Variants in ANO4 observed in about 807,000 individuals in gnomAD.
ANO4 encodes anoctamin 4, also known as anoctamin-4.
A neutral mutation model predicts 141.9 loss-of-function variants in ANO4; 69 were observed. The ratio of observed to expected loss-of-function variants is 0.49; its 90% CI spans 0.40 to 0.59. The LOEUF (loss-of-function observed/expected upper bound fraction) is 0.59, where lower values mean the gene tolerates loss of function less well. ANO4 is among the 20% of genes least tolerant of loss of function. The pLI is 0.00. For synonymous variants in ANO4, 350 were observed against 394.3 expected (o/e 0.89, Z 1.33); for missense variants, 894 against 1,162.2 (o/e 0.77, Z 3.36).
At chr12:100,855,829 C>A (rs901869052) in intron 1 of ANO4, among the ~76,000 whole-genome samples, 1 of 152,056 alleles carries the variant, frequency 6.6e-6, no homozygotes, top group Admixed American at 6.6e-5. Context: ...TTTTGAGTGG[C>A]ATAGTGACAA....
chr12:100,992,672 C>A (rs1233427475), intron 8 of ANO4, among the ~76,000 whole-genome samples: 1 of 152,170 alleles, frequency 6.6e-6, no homozygotes, highest in Non-Finnish European at 1.5e-5. Flanking sequence ...GCCTGTCTCT[C>A]TAGGTAAATG....
chr12:101,099,218 C>G (rs2050098662), intron 21 of ANO4, among the ~76,000 whole-genome samples: 2 of 152,064 alleles, frequency 1.3e-5, no homozygotes, highest in Admixed American at 1.3e-4. Flanking sequence ...GCTCAAGGGT[C>G]CTAAATCAAG....
In ANO4 at chr12:101,126,913, A is replaced by G; in HGVS notation, c.2711A>G (p.Tyr904Cys). The change falls in exon 27 of 28, where the codon TAT (tyrosine) becomes TGT (cysteine). Residue 904 changes from tyrosine to cysteine, a missense_variant. This residue lies in a region of ANO4 where 637 missense variants were observed against 909.2 expected (regional missense o/e 0.70). Transcript: ENST00000392977. Reference protein sequence around the residue: ...LVFCIKHLISYLIPDLPKDLR... With the variant: ...LVFCIKHLISCLIPDLPKDLR... ...TTTTGTATAAAGCACCTCATTTCAT[A>G]TCTGATCCCAGACCTCCCAAAAGAC... is the stretch of plus-strand genomic sequence containing the variant. 1 of 1,614,164 alleles carries G rather than the reference A, an allele frequency of 6.2e-7. No individual in the cohort carries two copies. The highest frequency in any genetic ancestry group is 8.5e-7 in the Non-Finnish European group (1 of 1,180,008).
At chr12:100,767,451 A>G (rs954438224) in intron 3 of ANO4, among the ~76,000 whole-genome samples, 2 of 152,100 alleles carry the variant, frequency 1.3e-5, no homozygotes, top group African/African-American at 4.8e-5. Flanking sequence ...CTAGCATCTC[A>G]TTTGTGTATT....
At chr12:100,989,602 G>A (rs71440834) in intron 8 of ANO4, among the ~76,000 whole-genome samples, 71 of 144,132 alleles carry the variant, frequency 4.9e-4, no homozygotes, top group African/African-American at 1.6e-3. Flanking sequence ...TACATGGATA[G>A]GTCACTGGAT....
Position 101,002,317 on chromosome 12 carries a change from A to G in ANO4, c.734+14647A>G, listed in dbSNP as rs555505311. ...GGCAAGCAGAGTATGGACAGGGTCA[A>G]CCCTTCATCATGCCCTTGGCTGTGC... On this transcript the variant is annotated intron_variant, in intron 8 of 27. Coordinates refer to ENST00000392977, the MANE Select transcript of ANO4 (RefSeq NM_001286615.2). 2.6e-5 allele frequency among the ~76,000 whole-genome samples: 4 copies of G among 152,218 alleles called. 1 individual carries two copies. Among genetic ancestry groups the G allele is most frequent in the African/African-American group, 9.6e-5 (4 of 41,560 alleles).
chr12:100,963,866 A>T (rs746525252), intron 5 of ANO4, among the ~76,000 whole-genome samples: 1 of 152,210 alleles, frequency 6.6e-6, no homozygotes, highest in Non-Finnish European at 1.5e-5. Context: ...TCCCCCAAGC[A>T]TTCAGTACCT....
chr12:100,813,374 G>A (rs1036820359), intron 1 of ANO4, among the ~76,000 whole-genome samples: 29 of 152,170 alleles, frequency 1.9e-4, no homozygotes, highest in South Asian at 2.1e-4. Context: ...AGTACAGAAG[G>A]TTTGAAGGGA....
At position 100,747,798 on chromosome 12, in the gene ANO4, G is replaced by A. The variant is rs1347794359; in HGVS notation, c.358+7693G>A. Among the ~76,000 whole-genome samples, 5 of 152,322 alleles carry A rather than the reference G, an allele frequency of 3.3e-5. No individual in the cohort carries two copies. The South Asian group carries it at 1.0e-3, about 32-fold the overall frequency. On this transcript the variant is annotated intron_variant, in intron 3 of 29. Coordinates refer to the ANO4 transcript ENST00000644049. ...TGAGGCAGGAGAATCACTTGAACCC[G>A]GGAGGTGAAGGTTGCAGTGATTCGA... is the stretch of plus-strand genomic sequence containing the variant.
In ANO4 at chr12:100,995,425, G is replaced by C. The variant is rs545713924; in HGVS notation, c.734+7755G>C. 4.6e-5 allele frequency among the ~76,000 whole-genome samples: 7 copies of C among 152,336 alleles called. No individual in the cohort carries two copies. The South Asian group carries it at 1.4e-3, about 32-fold the overall frequency. On this transcript the variant is annotated intron_variant, in intron 8 of 27. Transcript: ENST00000392977. ...GAGGCGTGGGAGGGAGCCTGATCCTGTAAGGCCTGTGGGCTTTTACAGAGG... is the reference window on the plus strand; with the variant it reads ...GAGGCGTGGGAGGGAGCCTGATCCTCTAAGGCCTGTGGGCTTTTACAGAGG...
intron 26 of ANO4, 143 bp downstream of exon 26, chr12:101,120,768 T>C: frequency 1.5e-6 from 1 of 652,700 alleles, no homozygotes; most frequent in East Asian, 2.8e-5. Context: ...AACCTCTTTT[T>C]GATCTTTTTT....
At chr12:100,880,341 G>A (rs905281774) in intron 1 of ANO4, among the ~76,000 whole-genome samples, 1 of 152,114 alleles carries the variant, frequency 6.6e-6, no homozygotes, top group African/African-American at 2.4e-5. Context: ...TTAGAGACAG[G>A]TGCCTTTCTA....
At chr12:100,784,319 T>C (rs955772413) in intron 3 of ANO4, among the ~76,000 whole-genome samples, 9 of 152,198 alleles carry the variant, frequency 5.9e-5, no homozygotes, top group African/African-American at 2.2e-4. Context: ...AGGGATCTTC[T>C]AACTACACCC....
At chr12:100,895,030 A>C (rs994510055) in intron 1 of ANO4, among the ~76,000 whole-genome samples, 1 of 151,780 alleles carries the variant, frequency 6.6e-6, no homozygotes, top group Non-Finnish European at 1.5e-5. Context: ...CAGACCTGAG[A>C]GTAACCAAGA....
At chr12:100,835,644 G>GT (rs1330658496) in intron 1 of ANO4, among the ~76,000 whole-genome samples, 4 of 152,060 alleles carry the variant, frequency 2.6e-5, no homozygotes, top group Non-Finnish European at 4.4e-5. Flanking sequence ...TATTTGTGCT[G>GT]TTTTTTCCCC....
chr12:100,790,832 A>G (rs2034023277), upstream of ANO4, among the ~76,000 whole-genome samples: 1 of 152,130 alleles, frequency 6.6e-6, no homozygotes. Context: ...GGTTGTTGCT[A>G]TTTGCAAACC....
intron 5 of ANO4, among the ~76,000 whole-genome samples, chr12:100,946,406 A>AAGAATCC (rs2042722441): frequency 6.6e-6 from 1 of 152,214 alleles, no homozygotes; most frequent in Admixed American, 6.5e-5. Flanking sequence ...GATTCGTTGC[A>AAGAATCC]AGAATCCAGG....
At chr12:100,790,242 G>T (rs182845374), upstream of ANO4, among the ~76,000 whole-genome samples, 1 of 152,358 alleles carries the variant, frequency 6.6e-6, no homozygotes, top group East Asian at 1.9e-4. Flanking sequence ...TCAGGTTGCA[G>T]AGGGCTTTGA....
chr12:100,870,180 A>T (rs377629959), intron 1 of ANO4, among the ~76,000 whole-genome samples: 1 of 152,210 alleles, frequency 6.6e-6, no homozygotes, highest in Non-Finnish European at 1.5e-5. Context: ...GTTGCTGGAA[A>T]GAAGCTGGGA....
Sources: gnomAD v4.1 joint callset for allele counts (sites outside exome capture counted in the v4.1 genomes callset) on GRCh38, gnomAD v4.1.1 for gene constraint, gnomAD v4.1.1 regional missense constraint, MANE v1.5 for transcripts, NCBI Gene and HGNC (gene_info 2026-07-23, HGNC 2026-07-21) for gene names.